The following GALNT13 variants were observed in gnomAD, a reference collection of about 807,000 sequenced individuals.
GALNT13 encodes UDP-GalNAc:polypeptide N-acetylgalactosaminyltransferase 13.
GALNT13 carries 28 observed loss-of-function variants against 64.2 expected under a neutral mutation model. That is an observed-to-expected ratio of 0.44 (90% CI 0.32 to 0.60). The LOEUF (loss-of-function observed/expected upper bound fraction) is 0.60. Among genes scored for constraint, GALNT13 ranks in the 20% least tolerant of loss-of-function variants. GALNT13 has a pLI of 0.05. For missense variants in GALNT13, 577 were observed against 669.8 expected, an observed-to-expected ratio of 0.86 and a Z score of 1.53; for synonymous variants, 214 against 224.6, an observed-to-expected ratio of 0.95 and a Z score of 0.42.
At chr2:153,158,474 T>C in the GALNT13 span, among the ~76,000 whole-genome samples, 1 of 152,174 alleles carries the variant, frequency 6.6e-6, no homozygotes, top group African/African-American at 2.4e-5. Context: ...CTGTATATGG[T>C]CATGCTTCAC....
chr2:153,798,959 C>G, the GALNT13 span, among the ~76,000 whole-genome samples: 1 of 152,088 alleles, frequency 6.6e-6, no homozygotes, highest in Non-Finnish European at 1.5e-5. Flanking sequence ...CCGAGAAATA[C>G]TGACATATTA....
the GALNT13 span, among the ~76,000 whole-genome samples, chr2:153,134,102 G>A: frequency 8.5e-5 from 13 of 152,198 alleles, no homozygotes; most frequent in South Asian, 6.2e-4. Flanking sequence ...CACCCCTTCC[G>A]TTTTGACAGT....
the GALNT13 span, among the ~76,000 whole-genome samples, chr2:153,502,001 C>T: frequency 6.6e-6 from 1 of 152,028 alleles, no homozygotes; most frequent in Non-Finnish European, 1.5e-5. Flanking sequence ...CCAGTTTGCA[C>T]AGAGAGAGAC....
intron 4 of GALNT13, among the ~76,000 whole-genome samples, chr2:154,198,088 T>C (rs1028169029): frequency 2.0e-5 from 3 of 152,092 alleles, no homozygotes; most frequent in Admixed American, 6.6e-5. Flanking sequence ...GATATATACA[T>C]GTAAGATAAA....
At chr2:153,640,912 T>C in the GALNT13 span, among the ~76,000 whole-genome samples, 118 of 152,212 alleles carry the variant, frequency 7.8e-4, 1 homozygote, top group Middle Eastern at 6.8e-3. Flanking sequence ...GGTACAAAGA[T>C]GATAAAATAG....
the GALNT13 span, among the ~76,000 whole-genome samples, chr2:153,253,864 G>T: frequency 3.9e-5 from 6 of 152,258 alleles, no homozygotes; most frequent in Non-Finnish European, 2.9e-5. Context: ...GCTGGATTCG[G>T]TTTGCCAGTA....
At chr2:153,103,245 G>C in the GALNT13 span, among the ~76,000 whole-genome samples, 1 of 152,026 alleles carries the variant, frequency 6.6e-6, no homozygotes, top group African/African-American at 2.4e-5. Flanking sequence ...GCTGCATCTT[G>C]TTCACTGTTC....
At chr2:153,239,840 G>T in the GALNT13 span, among the ~76,000 whole-genome samples, 31 of 152,164 alleles carry the variant, frequency 2.0e-4, no homozygotes, top group South Asian at 6.2e-3. Context: ...TGGCCTCATA[G>T]AATGAGTTTG....
At chr2:153,700,430 A>C in the GALNT13 span, among the ~76,000 whole-genome samples, 2 of 152,304 alleles carry the variant, frequency 1.3e-5, no homozygotes, top group South Asian at 4.1e-4. Flanking sequence ...GAAAACTGGC[A>C]CAAGACAAGG....
At chr2:153,435,263 A>G in the GALNT13 span, among the ~76,000 whole-genome samples, 1 of 152,218 alleles carries the variant, frequency 6.6e-6, no homozygotes, top group Non-Finnish European at 1.5e-5. Flanking sequence ...AGGTAGCGTG[A>G]TGCCTCCAGC....
intron 3 of GALNT13, among the ~76,000 whole-genome samples, chr2:153,963,367 G>T: frequency 6.6e-6 from 1 of 152,252 alleles, no homozygotes; most frequent in Non-Finnish European, 1.5e-5. Flanking sequence ...TCATTATTAT[G>T]AATAAAGCTG....
chr2:153,309,590 C>T, the GALNT13 span, among the ~76,000 whole-genome samples: 2 of 151,780 alleles, frequency 1.3e-5, no homozygotes, highest in African/African-American at 4.8e-5. Flanking sequence ...TTTTCCTTAG[C>T]TTTGTCAACA....
At chr2:153,616,019 C>A in the GALNT13 span, among the ~76,000 whole-genome samples, 4 of 152,070 alleles carry the variant, frequency 2.6e-5, no homozygotes, top group South Asian at 6.2e-4. Context: ...AGACCACTAT[C>A]CTGGAGATAT....
At chr2:153,357,724 C>G in the GALNT13 span, among the ~76,000 whole-genome samples, 4 of 152,146 alleles carry the variant, frequency 2.6e-5, no homozygotes, top group African/African-American at 9.7e-5. Context: ...GTTTATTACC[C>G]TGACCCTTAT....
chr2:153,922,642 G>A (rs1208567340), intron 2 of GALNT13, among the ~76,000 whole-genome samples: 3 of 152,036 alleles, frequency 2.0e-5, no homozygotes. Context: ...GGCAAACTTA[G>A]GTAGGTGATA....
the GALNT13 span, among the ~76,000 whole-genome samples, chr2:153,103,195 C>T: frequency 0.018 from 2,799 of 152,270 alleles, 98 homozygotes; most frequent in African/African-American, 0.064. Flanking sequence ...TGGCCTGAAA[C>T]ACTTGCCACT....
At chr2:154,192,521 T>C (rs1303652894) in intron 4 of GALNT13, among the ~76,000 whole-genome samples, 1 of 152,158 alleles carries the variant, frequency 6.6e-6, no homozygotes, top group Non-Finnish European at 1.5e-5. Flanking sequence ...ATGACATATA[T>C]ATATATATAT....
intron 8 of GALNT13, among the ~76,000 whole-genome samples, chr2:154,291,472 T>G (rs910683719): frequency 2.0e-5 from 3 of 152,202 alleles, no homozygotes; most frequent in African/African-American, 7.2e-5. Flanking sequence ...GAAGCCCAGC[T>G]GGCTTCACCT....
the GALNT13 span, among the ~76,000 whole-genome samples, chr2:153,779,779 A>G: frequency 6.6e-6 from 1 of 152,176 alleles, no homozygotes; most frequent in Non-Finnish European, 1.5e-5. Context: ...TACAATAGCT[A>G]AACGGGTTCC....
Sources: allele counts gnomAD v4.1 joint callset (sites outside exome capture counted in the v4.1 genomes callset), GRCh38; gene constraint gnomAD v4.1.1; transcripts MANE v1.5; gene names NCBI Gene and HGNC (gene_info 2026-07-23, HGNC 2026-07-21).